CTNNA3: variants seen among roughly 807,000 people sequenced by gnomAD.
CTNNA3 encodes the protein catenin alpha-3.
In CTNNA3, 76 loss-of-function variants were observed where a neutral mutation model predicts 95.7. The observed-to-expected ratio is 0.79, with a 90% CI of 0.66 to 0.96. CTNNA3 has a LOEUF of 0.96. Among genes scored for constraint, CTNNA3 ranks in the 40% least tolerant of loss-of-function variants. CTNNA3 has a pLI of 0.00. For missense variants in CTNNA3, 1,191 were observed against 1,089.8 expected, an observed-to-expected ratio of 1.09 and a Z score of -1.31; for synonymous variants, 431 against 374.4, an observed-to-expected ratio of 1.15 and a Z score of -1.74.
intron 1 of CTNNA3, among the ~76,000 whole-genome samples, chr10:67,710,333 G>A (rs1158669490): frequency 6.6e-6 from 1 of 152,044 alleles, no homozygotes; most frequent in African/African-American, 2.4e-5. Flanking sequence ...AGGAGGAGAT[G>A]GGAGGTACTC....
At chr10:66,532,712 G>A (rs533354589) in intron 10 of CTNNA3, among the ~76,000 whole-genome samples, 3 of 152,252 alleles carry the variant, frequency 2.0e-5, no homozygotes, top group Admixed American at 6.5e-5. Context: ...GAAAAGTCAC[G>A]CATAAATATT....
At chr10:66,559,667 T>A (rs1382348962) in intron 10 of CTNNA3, among the ~76,000 whole-genome samples, 2 of 151,986 alleles carry the variant, frequency 1.3e-5, no homozygotes, top group East Asian at 1.9e-4. Context: ...CAGACTTTTA[T>A]ACATGCTCAT....
chr10:66,791,719 T>C (rs1261065502), intron 7 of CTNNA3, among the ~76,000 whole-genome samples: 1 of 152,204 alleles, frequency 6.6e-6, no homozygotes, highest in Non-Finnish European at 1.5e-5. Flanking sequence ...GCCTTCATAA[T>C]TAAGTACTGA....
chr10:67,658,616 AAAAC>A (rs1589543609), intron 1 of CTNNA3, among the ~76,000 whole-genome samples: 3 of 152,228 alleles, frequency 2.0e-5, no homozygotes, highest in East Asian at 1.9e-4. Flanking sequence ...TGTCTTAAAA[AAAAC>A]AAACAAACAC....
At chr10:66,287,967 C>T (rs2091618226) in intron 12 of CTNNA3, among the ~76,000 whole-genome samples, 1 of 150,646 alleles carries the variant, frequency 6.6e-6, no homozygotes, top group East Asian at 2.0e-4. Context: ...TATTTGAGAG[C>T]CAGGGTTCTC....
At chr10:66,006,965 C>G (rs2133379811) in intron 15 of CTNNA3, among the ~76,000 whole-genome samples, 1 of 152,262 alleles carries the variant, frequency 6.6e-6, no homozygotes, top group Middle Eastern at 3.4e-3. Flanking sequence ...AGTCTCAGGC[C>G]TTGTTGTTGT....
chr10:66,875,148 G>T (rs1382550999), intron 7 of CTNNA3, among the ~76,000 whole-genome samples: 1 of 152,104 alleles, frequency 6.6e-6, no homozygotes, highest in Non-Finnish European at 1.5e-5. Context: ...CAAAGCAGAA[G>T]AAACAAATTA....
chr10:66,813,206 A>T (rs907922568), intron 7 of CTNNA3, among the ~76,000 whole-genome samples: 1 of 152,160 alleles, frequency 6.6e-6, no homozygotes, highest in Non-Finnish European at 1.5e-5. Flanking sequence ...TCTATGTTTT[A>T]TGTCTTAATC....
intron 13 of CTNNA3, among the ~76,000 whole-genome samples, chr10:66,215,283 TTGAG>T (rs1366548195): frequency 1.3e-5 from 2 of 152,208 alleles, no homozygotes; most frequent in Non-Finnish European, 2.9e-5. Context: ...TGCTGGGATA[TTGAG>T]TTACTATTTT....
At chr10:67,413,724 C>T (rs1279014780) in intron 5 of CTNNA3, among the ~76,000 whole-genome samples, 2 of 152,046 alleles carry the variant, frequency 1.3e-5, no homozygotes, top group African/African-American at 4.8e-5. Context: ...TGAAACTATA[C>T]CAAGTATACT....
intron 6 of CTNNA3, among the ~76,000 whole-genome samples, chr10:67,181,007 T>C (rs768463223): frequency 1.3e-5 from 2 of 152,152 alleles, no homozygotes; most frequent in African/African-American, 2.4e-5. Context: ...TATTAATAAC[T>C]ACACATTTCA....
intron 5 of CTNNA3, among the ~76,000 whole-genome samples, chr10:67,444,321 GA>G (rs1846655498): frequency 6.6e-6 from 1 of 151,914 alleles, no homozygotes; most frequent in African/African-American, 2.4e-5. Context: ...AAATTAAGAA[GA>G]AAATTTACAA....
At chr10:67,748,352 G>C (rs1039345412) in intron 1 of CTNNA3, among the ~76,000 whole-genome samples, 2 of 152,120 alleles carry the variant, frequency 1.3e-5, no homozygotes, top group South Asian at 2.1e-4. Flanking sequence ...GGCAGCCAGA[G>C]AAAAAGGCCA....
intron 7 of CTNNA3, among the ~76,000 whole-genome samples, chr10:67,120,026 T>G (rs1859381619): frequency 6.6e-6 from 1 of 151,884 alleles, no homozygotes; most frequent in Non-Finnish European, 1.5e-5. Context: ...TTTGTCATGG[T>G]AAAACCAACA....
intron 12 of CTNNA3, among the ~76,000 whole-genome samples, chr10:66,317,961 G>A (rs943933374): frequency 6.6e-6 from 1 of 152,000 alleles, no homozygotes; most frequent in Admixed American, 6.6e-5. Context: ...ATAAGTGCAT[G>A]CCAGCAACTA....
chr10:67,258,443 C>A (rs1866450054), intron 5 of CTNNA3, among the ~76,000 whole-genome samples: 1 of 152,150 alleles, frequency 6.6e-6, no homozygotes, highest in African/African-American at 2.4e-5. Context: ...AGTGCCCGGC[C>A]ACAATGATTT....
At chr10:66,638,383 C>A (rs143409539) in intron 9 of CTNNA3, among the ~76,000 whole-genome samples, 1,617 of 152,270 alleles carry the variant, frequency 0.011, 36 homozygotes, top group African/African-American at 0.037. Context: ...ATTTTCCCTG[C>A]ATCCTCTAGA....
chr10:66,825,336 T>C (rs1175792432), intron 7 of CTNNA3, among the ~76,000 whole-genome samples: 2 of 150,520 alleles, frequency 1.3e-5, no homozygotes, highest in East Asian at 1.9e-4. Context: ...AGTGTGGTGG[T>C]GCAATCTCAG....
chr10:67,226,113 G>A (rs7897709), intron 5 of CTNNA3, among the ~76,000 whole-genome samples: 6,094 of 152,190 alleles, frequency 0.04, 396 homozygotes, highest in African/African-American at 0.14. Context: ...TGAACAAGTA[G>A]AAGAAAGAAA....
Sources: allele counts gnomAD v4.1 joint callset (sites outside exome capture counted in the v4.1 genomes callset), GRCh38; gene constraint gnomAD v4.1.1; transcripts MANE v1.5; gene names NCBI Gene and HGNC (gene_info 2026-07-23, HGNC 2026-07-21).